Variants in STIM2 observed in about 807,000 individuals in gnomAD.
STIM2 encodes the protein stromal interaction molecule 2.
Under a neutral mutation model 85.8 loss-of-function variants are expected in STIM2, and 31 were observed. That is an observed-to-expected ratio of 0.36 (90% CI 0.27 to 0.49). The LOEUF (loss-of-function observed/expected upper bound fraction) is 0.49, where lower values mean the gene tolerates loss of function less well. STIM2 is among the 20% of genes least tolerant of loss of function. The pLI is 0.98. For synonymous variants in STIM2, 356 were observed against 331.1 expected, an observed-to-expected ratio of 1.08 and a Z score of -0.82; for missense variants, 841 against 927.6, an observed-to-expected ratio of 0.91 and a Z score of 1.21.
In STIM2 at chr4:27,006,263, G is replaced by A. The variant is rs146705018; in HGVS notation, c.982-1270G>A. On this transcript the variant is annotated intron_variant, in intron 7 of 11. Transcript: ENST00000467087. The stretch of plus-strand genomic sequence containing the variant: ...GGAATCTTAAAATATATTTTTCTAC[G>A]TAATTCTTTGTTTTCACACTAACTG... Among the ~76,000 whole-genome samples, 14 of 152,178 alleles carry A rather than the reference G, an allele frequency of 9.2e-5. No individual in the cohort carries two copies. In the East Asian group the frequency reaches 1.2e-3, roughly 13 times the overall value.
intron 2 of STIM2, among the ~76,000 whole-genome samples, chr4:26,933,592 G>T (rs545271452): frequency 1.3e-3 from 194 of 152,010 alleles, no homozygotes; most frequent in African/African-American, 4.6e-3. Flanking sequence ...TTTCCAGACT[G>T]TTTTTTATCA....
Position 26,885,857 on chromosome 4 carries a change from ATATATATATATATATATG to A in STIM2, c.151+24494_151+24511del, listed in dbSNP as rs1360016581. Among the ~76,000 whole-genome samples, 489 of 67,752 alleles carry A rather than the reference ATATATATATATATATATG, an allele frequency of 7.2e-3. 7 individuals are homozygous for A. The highest frequency in any genetic ancestry group is 0.029 in the African/African-American group (469 of 16,056). 44.4% of individuals were successfully genotyped at this position (67,752 alleles called of 152,430 possible). A position where few individuals can be genotyped will look rare whatever the true frequency, so the allele number is the denominator to read the frequency against. The stretch of plus-strand genomic sequence containing the variant: ...TATATATATATATATATATATATAT[ATATATATATATATATATG>A]TATATGTCTATTCATGTAAATATGC... On this transcript the variant is annotated intron_variant, in intron 1 of 11. Coordinates refer to ENST00000467087, the MANE Select transcript of STIM2 (RefSeq NM_020860.4).
chr4:26,939,276 C>G (rs780576928), intron 2 of STIM2, among the ~76,000 whole-genome samples: 1 of 152,078 alleles, frequency 6.6e-6, no homozygotes, highest in African/African-American at 2.4e-5. Context: ...TATCTTGAGT[C>G]TTATCTTGAG....
intron 3 of STIM2, among the ~76,000 whole-genome samples, chr4:26,970,594 A>G (rs751590606): frequency 2.0e-5 from 3 of 152,124 alleles, no homozygotes; most frequent in Non-Finnish European, 4.4e-5. Context: ...TTATGGCTAC[A>G]TAGTATTCCA....
intron 10 of STIM2, among the ~76,000 whole-genome samples, chr4:27,013,163 A>G (rs758361272): frequency 6.2e-5 from 9 of 144,710 alleles, no homozygotes; most frequent in Non-Finnish European, 1.0e-4. Flanking sequence ...CCCTCTGCCC[A>G]TATATGTGGT....
intron 3 of STIM2, among the ~76,000 whole-genome samples, chr4:26,991,179 C>G (rs1352858821): frequency 6.6e-6 from 1 of 152,052 alleles, no homozygotes; most frequent in Non-Finnish European, 1.5e-5. Flanking sequence ...TGGAATCAAC[C>G]TAAGTGTCCA....
chr4:27,021,697 A>G (rs1728918308), intron 11 of STIM2: 1 of 449,196 alleles, frequency 2.2e-6, no homozygotes, highest in Non-Finnish European at 4.5e-6. Context: ...AAGAATGAGA[A>G]TGAAAGCAGG....
chr4:26,892,724 C>G (rs1316776180), intron 1 of STIM2, among the ~76,000 whole-genome samples: 3 of 152,080 alleles, frequency 2.0e-5, no homozygotes, highest in Non-Finnish European at 4.4e-5. Context: ...TGATCAAGGT[C>G]TCTGGATTAA....
At chr4:26,872,683 A>G (rs1220675670) in intron 1 of STIM2, among the ~76,000 whole-genome samples, 1 of 152,244 alleles carries the variant, frequency 6.6e-6, no homozygotes, top group Non-Finnish European at 1.5e-5. Context: ...ACAAAGATGA[A>G]TGAGATTGAG....
chr4:26,978,011 A>G (rs954253008), intron 3 of STIM2, among the ~76,000 whole-genome samples: 1 of 152,182 alleles, frequency 6.6e-6, no homozygotes, highest in South Asian at 2.1e-4. Context: ...AGACTTGACA[A>G]TTGGATTGGC....
At chr4:27,002,094 G>A in intron 5 of STIM2, 123 bp from the exon 6 acceptor site, 3 of 796,682 alleles carry the variant, frequency 3.8e-6, no homozygotes, top group East Asian at 5.5e-5. Flanking sequence ...GCTAGAGCTT[G>A]TGCATGGGAA....
At chr4:26,972,356 A>G (rs765121241) in intron 3 of STIM2, among the ~76,000 whole-genome samples, 5 of 152,170 alleles carry the variant, frequency 3.3e-5, no homozygotes, top group Non-Finnish European at 7.3e-5. Flanking sequence ...TTGCCCATTC[A>G]GTATGATACT....
chr4:26,986,336 C>T (rs1328458634), intron 3 of STIM2, among the ~76,000 whole-genome samples: 6 of 152,118 alleles, frequency 3.9e-5, no homozygotes, highest in African/African-American at 1.4e-4. Context: ...GGTTTTCCCC[C>T]ACAGTATTTA....
rs1451555939 is a variant in STIM2 at position 26,919,786 on chromosome 4, A to G, written c.282+152A>G. 6 of 923,092 alleles carry G rather than the reference A, an allele frequency of 6.5e-6. No individual in the cohort carries two copies. The East Asian group carries it at 1.4e-4, about 21-fold the overall frequency. The allele number at this position is 923,092 out of a possible 1,614,324, so 57.2% of individuals were successfully genotyped here. The stretch of plus-strand genomic sequence containing the variant: ...TTTTTACATGTTAATTTTACCCTTA[A>G]TAAACATTTACATGGTTTTTCTGTT... On this transcript the variant is annotated intron_variant, in intron 2 of 11. Coordinates refer to ENST00000467087, the MANE Select transcript of STIM2 (RefSeq NM_020860.4).
intron 2 of STIM2, among the ~76,000 whole-genome samples, chr4:26,950,777 C>T (rs924106745): frequency 6.6e-6 from 1 of 152,146 alleles, no homozygotes; most frequent in African/African-American, 2.4e-5. Context: ...TTTCATGTGA[C>T]CCTATGACTC....
chr4:26,997,032 T>G (rs988997648), intron 4 of STIM2, among the ~76,000 whole-genome samples: 32 of 152,120 alleles, frequency 2.1e-4, no homozygotes, highest in African/African-American at 7.5e-4. Context: ...AGAAAAACAT[T>G]ATAACTTCAG....
At chr4:26,910,215 A>G (rs1724284033) in intron 1 of STIM2, among the ~76,000 whole-genome samples, 1 of 152,146 alleles carries the variant, frequency 6.6e-6, no homozygotes, top group Non-Finnish European at 1.5e-5. Flanking sequence ...TTACAGTATA[A>G]AACAGTAGAG....
chr4:26,862,611 A>G (rs1359934729), intron 1 of STIM2, among the ~76,000 whole-genome samples: 1 of 152,238 alleles, frequency 6.6e-6, no homozygotes, highest in Non-Finnish European at 1.5e-5. Flanking sequence ...TGTAGAGTAT[A>G]GAACATAATG....
At chr4:26,910,220 G>T (rs1724284300) in intron 1 of STIM2, among the ~76,000 whole-genome samples, 1 of 152,064 alleles carries the variant, frequency 6.6e-6, no homozygotes. Flanking sequence ...GTATAAAACA[G>T]TAGAGAAAAT....
Sources: allele counts gnomAD v4.1 joint callset (sites outside exome capture counted in the v4.1 genomes callset), GRCh38; gene constraint gnomAD v4.1.1; transcripts MANE v1.5; gene names NCBI Gene and HGNC (gene_info 2026-07-23, HGNC 2026-07-21).